Variants in CYP7A1 observed in about 807,000 individuals in gnomAD.
The protein encoded by CYP7A1 is cytochrome P450 7A1.
In CYP7A1, 28 loss-of-function variants were observed where a neutral mutation model predicts 43.8. The ratio of observed to expected loss-of-function variants is 0.64; its 90% CI spans 0.47 to 0.88. The LOEUF is 0.88. Among genes scored for constraint, CYP7A1 ranks in the 40% least tolerant of loss-of-function variants. CYP7A1 has a pLI of 0.00. For synonymous variants in CYP7A1, 227 were observed against 222.5 expected, an observed-to-expected ratio of 1.02 and a Z score of -0.18; for missense variants, 637 against 611.9, an observed-to-expected ratio of 1.04 and a Z score of -0.43.
At chr8:58,499,337 T>C (rs1352009890) in intron 1 of CYP7A1, among the ~76,000 whole-genome samples, 1 of 152,216 alleles carries the variant, frequency 6.6e-6, no homozygotes, top group African/African-American at 2.4e-5. Context: ...AGAGAATATC[T>C]ATATGCCTCC....
rs192455108 is a variant in CYP7A1 at position 58,496,797 on chromosome 8, C to T, written c.715G>A (p.Ala239Thr). The T allele has an allele frequency of 1.2e-6, 2 of 1,614,212 alleles. No individual in the cohort carries two copies. Among genetic ancestry groups the T allele is most frequent in the Admixed American group, 3.3e-5 (2 of 60,028 alleles). Residue 239 changes from alanine to threonine, a missense_variant, in exon 3 of 6, where the codon GCA becomes ACA. Physicochemically the swap from Ala to Thr is moderately conservative, Grantham distance 58. Coordinates refer to ENST00000301645, the MANE Select transcript of CYP7A1 (RefSeq NM_000780.4). Reference protein sequence around the residue: ...RTAHNAREKLAESLRHENLQK... With the variant: ...RTAHNAREKLTESLRHENLQK... ...AGGTTCTCGTGCCTCAAGCTCTCTG[C>T]CAGTTTCTCCCGGGCATTGTGCGCA...
chr8:58,495,330 A>T (rs544860002), intron 3 of CYP7A1, among the ~76,000 whole-genome samples: 293 of 151,380 alleles, frequency 1.9e-3, no homozygotes, highest in African/African-American at 6.6e-3. Flanking sequence ...GGTTCACGCC[A>T]TTCTCCTGCC....
intron 5 of CYP7A1, 124 bp downstream of exon 5, chr8:58,492,229 A>G: frequency 3.1e-6 from 3 of 953,382 alleles, no homozygotes; most frequent in Non-Finnish European, 5.1e-6. Context: ...AATATTTAAC[A>G]CAATTAAGCA....
intron 3 of CYP7A1, among the ~76,000 whole-genome samples, chr8:58,495,493 T>G (rs1055005632): frequency 6.9e-4 from 105 of 152,218 alleles, no homozygotes; most frequent in Non-Finnish European, 1.3e-3. Flanking sequence ...CTCCCAAAGT[T>G]CTGGGATTAC....
rs768012381 is a variant in CYP7A1 at position 58,494,539 on chromosome 8, TCAAA to T, written c.1002_1005del (p.Cys334Ter). On this transcript the variant is annotated frameshift_variant, in exon 4 of 6. Transcript: ENST00000301645. LOFTEE classifies it high-confidence loss of function. Reference sequence around the variant, plus strand: ...GGCAGGTCATTCAGTTCTGCTTGACTCAAACAAATAGGATTGCCTTCCAAGCTGA... The same window carrying T: ...GGCAGGTCATTCAGTTCTGCTTGACTCAAATAGGATTGCCTTCCAAGCTGA... 1.2e-6 allele frequency: 2 copies of T among 1,614,150 alleles called. No homozygotes were observed. Among genetic ancestry groups the T allele is most frequent in the Non-Finnish European group, 1.7e-6 (2 of 1,180,000 alleles).
At chr8:58,499,949 G>T in intron 1 of CYP7A1, 70 bp downstream of exon 1, 1 of 1,252,922 alleles carries the variant, frequency 8.0e-7, no homozygotes, top group Non-Finnish European at 1.2e-6. Flanking sequence ...CAAATTTACT[G>T]TATAAAAATG....
chr8:58,497,293 A>G, intron 2 of CYP7A1, 103 bp from the exon 3 acceptor site: 2 of 990,818 alleles, frequency 2.0e-6, no homozygotes, highest in South Asian at 2.7e-5. Context: ...TTACTTGGTA[A>G]ACACGGGAAA....
At position 58,500,019 on chromosome 8, in the gene CYP7A1, C is replaced by A. The variant is rs200846540; in HGVS notation, c.80G>T (p.Arg27Met). Residue 27 changes from arginine (R) to methionine (M), a missense_variant and splice_region_variant, in exon 1 of 6, where the codon AGG becomes ATG. Coordinates refer to ENST00000301645, the MANE Select transcript of CYP7A1 (RefSeq NM_000780.4). ...CLWLILGIRR[R>M]QTGEPPLENG... ...AATTTAAAGATAAAACATTACTTACCTTCTCCTAATTCCAAGAATAAGCCA... is the reference window on the plus strand; with the variant it reads ...AATTTAAAGATAAAACATTACTTACATTCTCCTAATTCCAAGAATAAGCCA... 2.5e-6 allele frequency: 4 copies of A among 1,608,558 alleles called. No homozygotes were observed. In the East Asian group the frequency reaches 8.9e-5, roughly 36 times the overall value.
intron 3 of CYP7A1, among the ~76,000 whole-genome samples, chr8:58,495,904 A>G (rs560004076): frequency 6.6e-6 from 1 of 152,362 alleles, no homozygotes; most frequent in East Asian, 1.9e-4. Context: ...CATGATACTA[A>G]ATATCTAATT....
intron 4 of CYP7A1, 45 bp downstream of exon 4, chr8:58,494,461 T>C (rs1809406860): frequency 6.3e-7 from 1 of 1,594,550 alleles, no homozygotes; most frequent in Non-Finnish European, 8.6e-7. Flanking sequence ...ATTGTTAAAG[T>C]AGTAGGACAT....
chr8:58,495,672 A>G (rs1462771994), intron 3 of CYP7A1, among the ~76,000 whole-genome samples: 1 of 152,234 alleles, frequency 6.6e-6, no homozygotes, highest in Non-Finnish European at 1.5e-5. Flanking sequence ...AATTTCCTTT[A>G]TGATGTTAAA....
intron 4 of CYP7A1, among the ~76,000 whole-genome samples, 200 bp from the exon 5 acceptor site, chr8:58,492,728 T>C (rs1809372027): frequency 6.6e-6 from 1 of 152,162 alleles, no homozygotes; most frequent in Non-Finnish European, 1.5e-5. Flanking sequence ...GTTACCACTA[T>C]GCTGTTATCA....
At chr8:58,492,202 A>T (rs965014864) in intron 5 of CYP7A1, 151 bp downstream of exon 5, 2 of 799,968 alleles carry the variant, frequency 2.5e-6, no homozygotes, top group African/African-American at 1.7e-5. Flanking sequence ...CACTATCTAA[A>T]TTTTCCAAAA....
At position 58,494,562 on chromosome 8, in the gene CYP7A1, A is replaced by G. The variant is rs781679073; in HGVS notation, c.983T>C (p.Leu328Ser). Residue 328 changes from leucine (L) to serine (S), a missense_variant, in exon 4 of 6, where the codon TTG becomes TCG. Physicochemically the swap from Leu to Ser is moderately radical, Grantham distance 145 (BLOSUM62 -2). Coordinates refer to ENST00000301645, the MANE Select transcript of CYP7A1 (RefSeq NM_000780.4). ...ACTCAAACAAATAGGATTGCCTTCC[A>G]AGCTGACTTTTTGACCAGCATTCTC... The part of the protein sequence containing the change: ...TLENAGQKVS[L>S]EGNPICLSQA... 5 of 1,614,038 alleles carry G rather than the reference A, an allele frequency of 3.1e-6. No homozygotes were observed. In the East Asian group the frequency reaches 1.1e-4, roughly 36 times the overall value.
intron 2 of CYP7A1, among the ~76,000 whole-genome samples, chr8:58,497,988 T>C (rs1563484724): frequency 6.6e-6 from 1 of 152,244 alleles, no homozygotes; most frequent in Non-Finnish European, 1.5e-5. Flanking sequence ...GAGCATTTAA[T>C]CTGTATTTCA....
In CYP7A1 at chr8:58,491,639, T is replaced by G. The variant is rs976831279; in HGVS notation, c.1351A>C (p.Ile451Leu). 1 of 1,614,068 alleles carries G rather than the reference T, an allele frequency of 6.2e-7. No individual in the cohort carries two copies. The highest frequency in any genetic ancestry group is 2.2e-5 in the East Asian group (1 of 44,898). ...ATCAAAAATTGCTTGATTTCGTGGATAGCGAACAATCTTCCAGGACATATT... is the reference window on the plus strand; with the variant it reads ...ATCAAAAATTGCTTGATTTCGTGGAGAGCGAACAATCTTCCAGGACATATT... ...ATICPGRLFA[I>L]HEIKQFLILM... The change falls in exon 6 of 6, where the codon ATC becomes CTC. Residue 451 changes from isoleucine to leucine, a missense_variant. Coordinates refer to ENST00000301645, the MANE Select transcript of CYP7A1 (RefSeq NM_000780.4).
intron 3 of CYP7A1, among the ~76,000 whole-genome samples, chr8:58,495,440 G>T (rs1478099002): frequency 2.6e-5 from 4 of 152,030 alleles, no homozygotes; most frequent in African/African-American, 4.8e-5. Flanking sequence ...GTGTTAGCCA[G>T]GATGGTCTCG....
intron 3 of CYP7A1, among the ~76,000 whole-genome samples, chr8:58,495,599 A>C (rs1404784312): frequency 1.3e-5 from 2 of 152,224 alleles, no homozygotes; most frequent in Non-Finnish European, 2.9e-5. Context: ...TAACAAAATT[A>C]CAGTAAGTTG....
Position 58,494,393 on chromosome 8 carries a change from A to G in CYP7A1, c.1039+113T>C. 3 of 1,158,238 alleles carry G rather than the reference A, an allele frequency of 2.6e-6. No individual in the cohort carries two copies. The South Asian group carries it at 3.8e-5, about 15-fold the overall frequency. 71.7% of individuals were successfully genotyped at this position (1,158,238 alleles called of 1,614,324 possible). A position where few individuals can be genotyped will look rare whatever the true frequency, so the allele number is the denominator to read the frequency against. ...GTGAGGATTAACCGAGAAAACTCATATGAAATATTTAGTTTAATGCCTAGA... is the reference window on the plus strand; with the variant it reads ...GTGAGGATTAACCGAGAAAACTCATGTGAAATATTTAGTTTAATGCCTAGA... On this transcript the variant is annotated intron_variant, in intron 4 of 5. Transcript: ENST00000301645.
Sources: gnomAD v4.1 joint callset for allele counts (sites outside exome capture counted in the v4.1 genomes callset) on GRCh38, gnomAD v4.1.1 for gene constraint, MANE v1.5 for transcripts, NCBI Gene and HGNC (gene_info 2026-07-23, HGNC 2026-07-21) for gene names.